The following ARHGAP24 variants were observed in gnomAD, a reference collection of about 807,000 sequenced individuals.
ARHGAP24 encodes the protein rho GTPase-activating protein 24.
A neutral mutation model predicts 76.4 loss-of-function variants in ARHGAP24; 50 were observed. The observed-to-expected ratio is 0.65, with a 90% CI of 0.52 to 0.83. The LOEUF (loss-of-function observed/expected upper bound fraction) is 0.83. Among genes scored for constraint, ARHGAP24 ranks in the 40% least tolerant of loss-of-function variants. ARHGAP24 has a pLI of 0.00. For synonymous variants in ARHGAP24, 345 were observed against 323.3 expected (o/e 1.07, Z -0.72); for missense variants, 930 against 914.2 (o/e 1.02, Z -0.22).
At chr4:85,854,863 A>G (rs1246672955) in intron 3 of ARHGAP24, among the ~76,000 whole-genome samples, 1 of 152,242 alleles carries the variant, frequency 6.6e-6, no homozygotes, top group Non-Finnish European at 1.5e-5. Flanking sequence ...CAGAATTTCC[A>G]AAGGAAAGCA....
chr4:85,658,934 G>A (rs1035760653), intron 2 of ARHGAP24, among the ~76,000 whole-genome samples: 1 of 152,200 alleles, frequency 6.6e-6, no homozygotes, highest in Non-Finnish European at 1.5e-5. Context: ...CTGTTCTGAA[G>A]CAGAGCTGAT....
At chr4:85,949,467 T>C (rs1028367972) in intron 5 of ARHGAP24, among the ~76,000 whole-genome samples, 4 of 152,166 alleles carry the variant, frequency 2.6e-5, no homozygotes, top group Admixed American at 2.6e-4. Context: ...CTAGAGAGCT[T>C]TACTGACAAG....
At chr4:85,567,432 A>G (rs541027272) in intron 1 of ARHGAP24, among the ~76,000 whole-genome samples, 6 of 152,306 alleles carry the variant, frequency 3.9e-5, no homozygotes, top group African/African-American at 1.4e-4. Flanking sequence ...ATCCGGGGTG[A>G]GGAAGAGTTA....
At chr4:85,610,977 A>G (rs1037483391) in intron 2 of ARHGAP24, among the ~76,000 whole-genome samples, 1 of 152,192 alleles carries the variant, frequency 6.6e-6, no homozygotes, top group African/African-American at 2.4e-5. Flanking sequence ...CATGATCATA[A>G]TAGAAGAGAG....
At chr4:85,620,210 G>T (rs1352661542) in intron 2 of ARHGAP24, among the ~76,000 whole-genome samples, 7 of 151,800 alleles carry the variant, frequency 4.6e-5, no homozygotes, top group African/African-American at 1.7e-4. Flanking sequence ...CAGTTTTTCT[G>T]AAAGAGTTTC....
intron 5 of ARHGAP24, among the ~76,000 whole-genome samples, chr4:85,945,685 G>C (rs537482650): frequency 6.6e-6 from 1 of 150,680 alleles, no homozygotes; most frequent in Admixed American, 6.6e-5. Flanking sequence ...TCTTGAACCC[G>C]GGAGGCAGAG....
chr4:85,851,899 A>T (rs1004324675), intron 3 of ARHGAP24, among the ~76,000 whole-genome samples: 1 of 151,550 alleles, frequency 6.6e-6, no homozygotes, highest in African/African-American at 2.4e-5. Context: ...CTTCATTTCA[A>T]CCTTGGTGAA....
chr4:85,877,016 G>A (rs1034466811), intron 3 of ARHGAP24, among the ~76,000 whole-genome samples: 5 of 151,900 alleles, frequency 3.3e-5, no homozygotes, highest in African/African-American at 4.8e-5. Flanking sequence ...TTATCATTAG[G>A]TTCAGTTTTC....
chr4:85,894,816 C>T (rs1265186752), intron 3 of ARHGAP24, among the ~76,000 whole-genome samples: 2 of 151,736 alleles, frequency 1.3e-5, no homozygotes, highest in Admixed American at 1.3e-4. Context: ...CCACAATTAG[C>T]TGGGCGTGGA....
At chr4:85,782,816 G>C (rs1174583453) in intron 3 of ARHGAP24, among the ~76,000 whole-genome samples, 1 of 152,166 alleles carries the variant, frequency 6.6e-6, no homozygotes, top group Admixed American at 6.5e-5. Context: ...GACAGTTGAA[G>C]AGGTAATATG....
At chr4:85,695,808 T>C (rs1723845296) in intron 2 of ARHGAP24, among the ~76,000 whole-genome samples, 1 of 152,232 alleles carries the variant, frequency 6.6e-6, no homozygotes. Context: ...ATTAGTGTAA[T>C]ATACTATGCA....
intron 3 of ARHGAP24, among the ~76,000 whole-genome samples, chr4:85,846,644 C>G (rs1408690951): frequency 6.6e-6 from 1 of 152,190 alleles, no homozygotes; most frequent in African/African-American, 2.4e-5. Flanking sequence ...AACCAACTTT[C>G]ACTCTACCTT....
intron 2 of ARHGAP24, among the ~76,000 whole-genome samples, chr4:85,617,850 T>C (rs1008367872): frequency 6.6e-6 from 1 of 152,190 alleles, no homozygotes; most frequent in East Asian, 1.9e-4. Context: ...GCTTTATTGA[T>C]GTATAGTTGA....
chr4:85,490,262 A>T (rs1028418735), intron 1 of ARHGAP24, among the ~76,000 whole-genome samples: 2 of 152,150 alleles, frequency 1.3e-5, no homozygotes, highest in African/African-American at 4.8e-5. Flanking sequence ...AGGTCTAGTG[A>T]TTGCTTACAA....
Position 85,758,684 on chromosome 4 carries a change from C to G in ARHGAP24, c.268+36712C>G, listed in dbSNP as rs544714211. 3.3e-5 allele frequency among the ~76,000 whole-genome samples: 5 copies of G among 152,152 alleles called. No individual in the cohort carries two copies. In the South Asian group the frequency reaches 1.0e-3, roughly 32 times the overall value. On this transcript the variant is annotated intron_variant, in intron 3 of 9. Transcript: ENST00000395184. ...AAGATGGACAAGGGGAAGGACTTCGCGAGACATCATAAGGAGGAACAACCT... is the reference window on the plus strand; with the variant it reads ...AAGATGGACAAGGGGAAGGACTTCGGGAGACATCATAAGGAGGAACAACCT...
rs149811713 is a variant in ARHGAP24 at position 85,675,137 on chromosome 4, A to G, written c.181-46748A>G. On this transcript the variant is annotated intron_variant, in intron 2 of 9. Transcript: ENST00000395184. ...CTGGTAAGCATTGTCCTTTGGCAGG[A>G]GTGAAAACCTAAAGGCTGCATGTAG... Among the ~76,000 whole-genome samples, 263 of 152,324 alleles carry G rather than the reference A, an allele frequency of 1.7e-3. 1 individual carries two copies. Among genetic ancestry groups the G allele is most frequent in the African/African-American group, 5.8e-3 (241 of 41,572 alleles).
intron 2 of ARHGAP24, among the ~76,000 whole-genome samples, chr4:85,715,583 C>A (rs991680949): frequency 2.6e-5 from 4 of 151,922 alleles, no homozygotes; most frequent in African/African-American, 9.7e-5. Flanking sequence ...TTAATGGGAA[C>A]CTGAACCTAG....
At chr4:85,872,313 T>G (rs1335631482) in intron 3 of ARHGAP24, among the ~76,000 whole-genome samples, 1 of 152,002 alleles carries the variant, frequency 6.6e-6, no homozygotes, top group African/African-American at 2.4e-5. Flanking sequence ...TTTTTTTTAA[T>G]GGAGACAAAG....
At chr4:85,828,334 A>G (rs1729820879) in intron 3 of ARHGAP24, among the ~76,000 whole-genome samples, 1 of 152,156 alleles carries the variant, frequency 6.6e-6, no homozygotes, top group African/African-American at 2.4e-5. Flanking sequence ...CTAAATTGCT[A>G]TATTTGTTTA....
Sources: allele counts gnomAD v4.1 joint callset (sites outside exome capture counted in the v4.1 genomes callset), GRCh38; gene constraint gnomAD v4.1.1; transcripts MANE v1.5; gene names NCBI Gene and HGNC (gene_info 2026-07-23, HGNC 2026-07-21).